The following ZNF573 variants were observed in gnomAD, a reference collection of about 807,000 sequenced individuals.
ZNF573 encodes zinc finger protein 573.
Under a neutral mutation model 57.4 loss-of-function variants are expected in ZNF573, and 41 were observed. That is an observed-to-expected ratio of 0.71 (90% CI 0.56 to 0.93). ZNF573 has a LOEUF of 0.93. Ranked by LOEUF, ZNF573 falls within the 40% of genes least tolerant of loss-of-function variation. The probability of loss-of-function intolerance (pLI) is 0.00; values close to 1 mark genes in which losing one functional copy is unlikely to be tolerated. For synonymous variants in ZNF573, 249 were observed against 261.0 expected (o/e 0.95, Z 0.44); for missense variants, 730 against 794.8 (o/e 0.92, Z 0.98).
chr19:37,772,465 G>T (rs2045667665), intron 2 of ZNF573, among the ~76,000 whole-genome samples: 1 of 151,874 alleles, frequency 6.6e-6, no homozygotes, highest in African/African-American at 2.4e-5. Flanking sequence ...AGCTTTTGCA[G>T]AACATTTAGA....
chr19:37,749,322 T>C (rs2045412151), intron 4 of ZNF573, among the ~76,000 whole-genome samples: 1 of 151,814 alleles, frequency 6.6e-6, no homozygotes, highest in Non-Finnish European at 1.5e-5. Context: ...TATACACAAA[T>C]ATATATTTTT....
chr19:37,750,602 T>C (rs1483923723), intron 4 of ZNF573, among the ~76,000 whole-genome samples: 1 of 152,080 alleles, frequency 6.6e-6, no homozygotes, highest in Non-Finnish European at 1.5e-5. Context: ...TGTTAATACA[T>C]GCAGAAAGAA....
rs1209270385 is a variant in ZNF573 at position 37,773,735 on chromosome 19, CT to C, written c.-7del. 6 of 1,534,218 alleles carry C rather than the reference CT, an allele frequency of 3.9e-6. No individual in the cohort carries two copies. In the African/African-American group the frequency reaches 8.2e-5, roughly 21 times the overall value. Reference sequence around the variant, plus strand: ...GGTTCCAATACTGGAAACATTCAAACTCCAGAGAATCCAGAGCTGAGAGAAG... The same window carrying C: ...GGTTCCAATACTGGAAACATTCAAACCCAGAGAATCCAGAGCTGAGAGAAG... On this transcript the variant is annotated 5_prime_UTR_variant, in exon 2 of 5. The change abolishes the stop of an existing upstream ORF in the 5' untranslated region. Transcript: ENST00000536220.
Position 37,739,805 on chromosome 19 carries a change from A to G in ZNF573, c.685T>C (p.Tyr229His), listed in dbSNP as rs200245303. 46 of 1,613,642 alleles carry G rather than the reference A, an allele frequency of 2.9e-5. No homozygotes were observed. The highest frequency in any genetic ancestry group is 3.8e-5 in the Non-Finnish European group (45 of 1,179,764). Residue 229 changes from tyrosine (Y) to histidine (H), a missense_variant, in exon 5 of 5, where the codon TAT (tyrosine) becomes CAT (histidine). Coordinates refer to ENST00000536220, the MANE Select transcript of ZNF573 (RefSeq NM_001172690.2). The part of the protein sequence containing the change: ...ECRQCGKAFI[Y>H]ASHIVQHERI... ...TCATGTTGAACAATGTGTGAGGCATATATAAAGGCCTTCCCACACTGCCTA... is the reference window on the plus strand; with the variant it reads ...TCATGTTGAACAATGTGTGAGGCATGTATAAAGGCCTTCCCACACTGCCTA...
intron 4 of ZNF573, among the ~76,000 whole-genome samples, 176 bp from the exon 5 acceptor site, chr19:37,740,370 G>A (rs376554186): frequency 1.3e-5 from 2 of 152,198 alleles, no homozygotes; most frequent in Non-Finnish European, 2.9e-5. Flanking sequence ...GAGAGTTTAC[G>A]TAAGATAGTG....
chr19:37,739,323 CTTGCATTCAAAAAG>C lies in ZNF573; in HGVS notation c.1153_1166del (p.Leu385AlafsTer26), dbSNP rs781051126. The C allele has an allele frequency of 2.5e-5, 41 of 1,613,950 alleles. No individual in the cohort carries two copies. The South Asian group carries it at 3.8e-4, about 15-fold the overall frequency. On this transcript the variant is annotated frameshift_variant, in exon 5 of 5. Coordinates refer to ENST00000536220, the MANE Select transcript of ZNF573 (RefSeq NM_001172690.2). LOFTEE classifies it high-confidence loss of function. ...CAGTAGTATAGGTCTTCCCACATTG[CTTGCATTCAAAAAG>C]TTTCTCACCAGTATGAATATTCTGA...
At chr19:37,766,286 C>G (rs924023532) in intron 4 of ZNF573, among the ~76,000 whole-genome samples, 1 of 152,136 alleles carries the variant, frequency 6.6e-6, no homozygotes, top group African/African-American at 2.4e-5. Context: ...TGCTGAGAAC[C>G]TAAACCATTC....
intron 4 of ZNF573, among the ~76,000 whole-genome samples, chr19:37,746,346 A>C (rs1380028765): frequency 6.6e-6 from 1 of 152,234 alleles, no homozygotes; most frequent in African/African-American, 2.4e-5. Context: ...ACTGGAGTTG[A>C]ATAGATACAG....
At chr19:37,759,836 G>A (rs62110178) in intron 4 of ZNF573, among the ~76,000 whole-genome samples, 13,095 of 152,224 alleles carry the variant, frequency 0.086, 883 homozygotes, top group African/African-American at 0.18. Flanking sequence ...TAATAATGGC[G>A]TATCAACCTT....
intron 2 of ZNF573, 28 bp from the exon 3 acceptor site, chr19:37,771,724 A>T (rs1191414613): frequency 1.9e-6 from 3 of 1,581,000 alleles, no homozygotes; most frequent in Middle Eastern, 1.7e-4. Context: ...ACAAAATTTT[A>T]AAAACATTTT....
chr19:37,756,818 TATG>T (rs886064736), intron 4 of ZNF573, among the ~76,000 whole-genome samples: 2 of 151,812 alleles, frequency 1.3e-5, no homozygotes, highest in African/African-American at 2.4e-5. Context: ...AATCTCATAT[TATG>T]ATAAAATAAT....
chr19:37,768,223 G>T (rs1204772466), intron 4 of ZNF573, among the ~76,000 whole-genome samples: 1 of 152,088 alleles, frequency 6.6e-6, no homozygotes, highest in Non-Finnish European at 1.5e-5. Context: ...TTTTAAAAAT[G>T]CCTTGAAAAC....
intron 4 of ZNF573, among the ~76,000 whole-genome samples, chr19:37,745,072 G>A (rs1214891783): frequency 5.3e-5 from 8 of 150,124 alleles, no homozygotes; most frequent in South Asian, 2.1e-4. Flanking sequence ...GTGAGCCACC[G>A]TGCCCGGCCA....
intron 4 of ZNF573, among the ~76,000 whole-genome samples, chr19:37,746,248 A>C (rs1374639492): frequency 2.6e-5 from 4 of 152,226 alleles, no homozygotes; most frequent in African/African-American, 9.6e-5. Flanking sequence ...CCATACACTA[A>C]AGGAAGTATA....
intron 3 of ZNF573, among the ~76,000 whole-genome samples, chr19:37,770,760 C>T (rs1438674412): frequency 7.0e-6 from 1 of 142,466 alleles, no homozygotes; most frequent in Admixed American, 7.3e-5. Flanking sequence ...GATCCAGTCT[C>T]GAAAAAAATA....
At chr19:37,752,220 A>C (rs2045445008) in intron 4 of ZNF573, among the ~76,000 whole-genome samples, 1 of 152,194 alleles carries the variant, frequency 6.6e-6, no homozygotes, top group African/African-American at 2.4e-5. Flanking sequence ...GAAGCTGGGC[A>C]TCTATCTACC....
chr19:37,776,771 C>T (rs761363463), intron 1 of ZNF573, among the ~76,000 whole-genome samples: 1 of 152,106 alleles, frequency 6.6e-6, no homozygotes, highest in Non-Finnish European at 1.5e-5. Flanking sequence ...CTACAAGGAA[C>T]TCAAACAAAT....
intron 4 of ZNF573, among the ~76,000 whole-genome samples, chr19:37,748,161 C>A (rs887597356): frequency 6.6e-6 from 1 of 152,138 alleles, no homozygotes; most frequent in African/African-American, 2.4e-5. Flanking sequence ...CAAATGTATA[C>A]AATGTGGTAC....
In ZNF573 at chr19:37,739,559, A is replaced by G. The variant is rs911749675; in HGVS notation, c.931T>C (p.Phe311Leu). 1 of 1,613,216 alleles carries G rather than the reference A, an allele frequency of 6.2e-7. No individual in the cohort carries two copies. Among genetic ancestry groups the G allele is most frequent in the Admixed American group, 1.7e-5 (1 of 59,800 alleles). Residue 311 changes from phenylalanine to leucine, a missense_variant, in exon 5 of 5, where the codon TTT (phenylalanine) becomes CTT (leucine). Transcript: ENST00000536220. ...PYICEKCGKAFRRGHQLTVHQ... is the reference protein window; with the variant it reads ...PYICEKCGKALRRGHQLTVHQ... ...ACAGTAAGCTGGTGACCTCTTCTAA[A>G]GGCCTTTCCACATTTCTCACATATG...
Sources: gnomAD v4.1 joint callset for allele counts (sites outside exome capture counted in the v4.1 genomes callset) on GRCh38, gnomAD v4.1.1 for gene constraint, MANE v1.5 for transcripts, NCBI Gene and HGNC (gene_info 2026-07-23, HGNC 2026-07-21) for gene names.